Variants in ACTN1 observed in about 807,000 individuals in gnomAD.
ACTN1 encodes the protein alpha-actinin-1.
In ACTN1, 30 loss-of-function variants were observed where a neutral mutation model predicts 119.6. That is an observed-to-expected ratio of 0.25 (90% confidence interval 0.19 to 0.34). The LOEUF is 0.34. Ranked by LOEUF, ACTN1 falls within the 10% of genes least tolerant of loss-of-function variation. ACTN1 has a pLI of 1.00. For synonymous variants in ACTN1, 429 were observed against 472.6 expected (o/e 0.91, Z 1.20); for missense variants, 764 against 1,223.4 (o/e 0.62, Z 5.60).
At chr14:68,896,282 G>A (rs780677425) in intron 8 of ACTN1, among the ~76,000 whole-genome samples, 2 of 152,114 alleles carry the variant, frequency 1.3e-5, no homozygotes, top group Non-Finnish European at 2.9e-5. Context: ...CTACAGGCAG[G>A]ATGCACCACA....
rs2032539850 is a variant in ACTN1, at chr14:68,892,150, T to C, written c.989A>G (p.Glu330Gly). 1.2e-6 allele frequency: 2 copies of C among 1,613,984 alleles called. No homozygotes were observed. The highest frequency in any genetic ancestry group is 1.7e-5 in the Admixed American group (1 of 59,988). Reference protein sequence around the residue: ...RRLHKPPKVQEKCQLEINFNT... With the variant: ...RRLHKPPKVQGKCQLEINFNT... ...GAAGTTGATCTCCAGCTGGCACTTC[T>C]CCTGCACCTTGGGCGGCTTGTGCAG... is the stretch of plus-strand genomic sequence containing the variant. Residue 330 changes from glutamate (E) to glycine (G), a missense_variant, in exon 10 of 22, where the codon GAG becomes GGG. Transcript: ENST00000394419.
At position 68,912,127 on chromosome 14, in the gene ACTN1, T is replaced by C. The variant is rs2034045503; in HGVS notation, c.427+29A>G. On this transcript the variant is annotated intron_variant, in intron 4 of 21. Coordinates refer to ENST00000394419, the MANE Select transcript of ACTN1 (RefSeq NM_001130004.2). ...CCCAGGGAGGGAGACGAGATGGTGA[T>C]GGCGGGATGGAACAAAGCAGAAACC... The C allele has an allele frequency of 2.5e-6, 4 of 1,607,902 alleles. No homozygotes were observed. The African/African-American group carries it at 4.0e-5, about 16-fold the overall frequency.
At chr14:68,888,154 T>G (rs181478) in intron 11 of ACTN1, 199,802 of 526,688 alleles carry the variant, frequency 0.38, 41,215 homozygotes, top group African/African-American at 0.57. Flanking sequence ...TGCGAAACTG[T>G]GCTGCCTGGC....
intron 1 of ACTN1, among the ~76,000 whole-genome samples, chr14:68,973,083 G>T (rs987678008): frequency 6.6e-6 from 1 of 152,132 alleles, no homozygotes; most frequent in African/African-American, 2.4e-5. Context: ...AGACTTGCCC[G>T]CCAGATAACC....
chr14:68,948,028 C>G (rs1161406696), intron 1 of ACTN1, among the ~76,000 whole-genome samples: 1 of 152,220 alleles, frequency 6.6e-6, no homozygotes, highest in African/African-American at 2.4e-5. Context: ...GGGGAGGAAG[C>G]AGTTTCCTTC....
intron 3 of ACTN1, among the ~76,000 whole-genome samples, chr14:68,917,223 A>C (rs2034348151): frequency 6.6e-6 from 1 of 152,160 alleles, no homozygotes; most frequent in African/African-American, 2.4e-5. Flanking sequence ...TTATGTGTGG[A>C]AGCTCCTTGT....
Position 68,882,376 on chromosome 14 carries a change from G to A in ACTN1, c.1953+82C>T. 2 of 1,555,888 alleles carry A rather than the reference G, an allele frequency of 1.3e-6. No homozygotes were observed. The highest frequency in any genetic ancestry group is 1.7e-6 in the Non-Finnish European group (2 of 1,147,270). On this transcript the variant is annotated intron_variant, in intron 16 of 21. Transcript: ENST00000394419. This position sits in a 1 kb window ranked among gnomAD's most constrained non-coding sequence, Gnocchi z 4.5. ...CAGTCCTCCATGGGTCCCACCCAGG[G>A]AGACAGGCAGCCTGGCTGGCTAGGA...
intron 3 of ACTN1, among the ~76,000 whole-genome samples, chr14:68,920,521 A>T (rs1445968739): frequency 1.3e-5 from 2 of 152,238 alleles, no homozygotes; most frequent in South Asian, 2.1e-4. Context: ...AGTAAAAGTT[A>T]AAGAGTTAGG....
intron 1 of ACTN1, among the ~76,000 whole-genome samples, chr14:68,948,346 G>A (rs980061961): frequency 1.3e-5 from 2 of 152,234 alleles, no homozygotes; most frequent in Non-Finnish European, 2.9e-5. Context: ...GAAGGCCAAG[G>A]TGGGTGGATC....
chr14:68,948,112 G>C (rs2036000024), intron 1 of ACTN1, among the ~76,000 whole-genome samples: 1 of 152,196 alleles, frequency 6.6e-6, no homozygotes, highest in Non-Finnish European at 1.5e-5. Flanking sequence ...GGCTTGGATG[G>C]ACAGAAAGCA....
At chr14:68,931,447 G>A (rs2140427956) in intron 1 of ACTN1, among the ~76,000 whole-genome samples, 1 of 152,348 alleles carries the variant, frequency 6.6e-6, no homozygotes, top group Middle Eastern at 3.4e-3. Flanking sequence ...CTATGACCAG[G>A]AGGAGAGATG....
chr14:68,929,429 G>A lies in ACTN1; in HGVS notation c.106-3757C>T, dbSNP rs115455167. 6.2e-3 allele frequency among the ~76,000 whole-genome samples: 914 copies of A among 148,108 alleles called. 10 individuals are homozygous for A. The highest frequency in any genetic ancestry group is 0.021 in the African/African-American group (855 of 40,084). ...ACCCCGGCAGGTTTGTGGCCCAGCC[G>A]CATTCAAACAAAGGGTACAGGGCCA... On this transcript the variant is annotated intron_variant, in intron 1 of 21. Coordinates refer to ENST00000394419, the MANE Select transcript of ACTN1 (RefSeq NM_001130004.2).
intron 1 of ACTN1, among the ~76,000 whole-genome samples, chr14:68,946,361 C>T (rs1442041617): frequency 6.6e-6 from 1 of 152,188 alleles, no homozygotes; most frequent in Admixed American, 6.5e-5. Context: ...GCAGACAAGG[C>T]AGTGGGACCC....
At chr14:68,928,082 T>C (rs950752569) in intron 1 of ACTN1, among the ~76,000 whole-genome samples, 2 of 152,098 alleles carry the variant, frequency 1.3e-5, no homozygotes, top group Non-Finnish European at 1.5e-5. Flanking sequence ...GCCTGAAACA[T>C]CCAGGGTCCT....
intron 1 of ACTN1, among the ~76,000 whole-genome samples, chr14:68,934,678 A>T (rs1012020404): frequency 6.6e-6 from 1 of 152,244 alleles, no homozygotes; most frequent in African/African-American, 2.4e-5. Context: ...GTATTCCTTG[A>T]GAGAGAAAAA....
chr14:68,896,207 T>TA (rs2032867653), intron 8 of ACTN1, among the ~76,000 whole-genome samples: 1 of 152,066 alleles, frequency 6.6e-6, no homozygotes, highest in Non-Finnish European at 1.5e-5. Flanking sequence ...TTGATTTTTC[T>TA]AAAAAAACTA....
At chr14:68,896,574 A>G (rs540865088) in intron 8 of ACTN1, among the ~76,000 whole-genome samples, 27 of 152,330 alleles carry the variant, frequency 1.8e-4, no homozygotes, top group Non-Finnish European at 3.5e-4. Flanking sequence ...CAGAACCACC[A>G]AGTACATAAA....
Position 68,950,462 on chromosome 14 carries a change from G to GTGTGTGTGTGTGTGTGTGTATATA in ACTN1, c.106-24791_106-24790insTATATACACACACACACACACACA. ...TTTACCATAATATATATGCGTGTGT[G>GTGTGTGTGTGTGTGTGTGTATATA]TATATATATATATATAAATCAAACA... is the stretch of plus-strand genomic sequence containing the variant. On this transcript the variant is annotated intron_variant, in intron 1 of 21. Coordinates refer to ENST00000394419, the MANE Select transcript of ACTN1 (RefSeq NM_001130004.2). 8.7e-5 allele frequency among the ~76,000 whole-genome samples: 11 copies of GTGTGTGTGTGTGTGTGTGTATATA among 125,910 alleles called. 1 individual carries two copies. The highest frequency in any genetic ancestry group is 4.5e-4 in the African/African-American group (11 of 24,284). The allele number at this position is 125,910 out of a possible 152,430, so 82.6% of individuals were successfully genotyped here. A position where few individuals can be genotyped will look rare whatever the true frequency, so the allele number is the denominator to read the frequency against.
At chr14:68,902,618 C>G in intron 7 of ACTN1, 56 bp from the exon 8 acceptor site, 2 of 1,462,084 alleles carry the variant, frequency 1.4e-6, no homozygotes, top group East Asian at 2.3e-5. Context: ...CCATACACCC[C>G]CGACGTGAGG....
Sources: allele counts gnomAD v4.1 joint callset (sites outside exome capture counted in the v4.1 genomes callset), GRCh38; gene constraint gnomAD v4.1.1; non-coding constraint Gnocchi (gnomAD v3.1); transcripts MANE v1.5; gene names NCBI Gene and HGNC (gene_info 2026-07-23, HGNC 2026-07-21).